The following NPAS3 variants were observed in gnomAD, a reference collection of about 807,000 sequenced individuals.
NPAS3 encodes neuronal PAS domain protein 3, also known as neuronal PAS domain-containing protein 3.
Under a neutral mutation model 73.1 loss-of-function variants are expected in NPAS3, and 14 were observed. The ratio of observed to expected loss-of-function variants is 0.19; its 90% confidence interval spans 0.13 to 0.30. The LOEUF (loss-of-function observed/expected upper bound fraction) is 0.30. NPAS3 is among the 10% of genes least tolerant of loss of function. The pLI, the probability that NPAS3 is intolerant of heterozygous loss-of-function variation, is 1.00. For missense variants in NPAS3, 1,096 were observed against 1,250.0 expected (o/e 0.88, Z 1.86); for synonymous variants, 620 against 541.5 (o/e 1.14, Z -2.01).
chr14:33,195,320 G>T (rs2046314319), intron 2 of NPAS3, among the ~76,000 whole-genome samples: 1 of 151,826 alleles, frequency 6.6e-6, no homozygotes, highest in African/African-American at 2.4e-5. Flanking sequence ...ACCTAAGCTG[G>T]AGTGCCGTGG....
At chr14:33,035,807 C>T (rs879660230) in intron 1 of NPAS3, among the ~76,000 whole-genome samples, 1 of 152,156 alleles carries the variant, frequency 6.6e-6, no homozygotes, top group African/African-American at 2.4e-5. Flanking sequence ...CATCTTTACA[C>T]TCTGGGCTTT....
intron 3 of NPAS3, among the ~76,000 whole-genome samples, chr14:33,298,899 A>T (rs1236948028): frequency 6.6e-6 from 1 of 152,196 alleles, no homozygotes. Context: ...TGCCAACCCC[A>T]ACCACATCCT....
intron 1 of NPAS3, among the ~76,000 whole-genome samples, chr14:32,981,900 G>A (rs370599511): frequency 4.4e-4 from 67 of 152,088 alleles, no homozygotes; most frequent in African/African-American, 1.6e-3. Context: ...CCACTCTTAG[G>A]GTGTCAAATA....
At chr14:33,555,225 A>T (rs2055299935) in intron 4 of NPAS3, among the ~76,000 whole-genome samples, 1 of 152,154 alleles carries the variant, frequency 6.6e-6, no homozygotes, top group African/African-American at 2.4e-5. Context: ...TTCTTCTAAG[A>T]TTGCGTTTCC....
chr14:33,017,858 G>C (rs2039450879), intron 1 of NPAS3, among the ~76,000 whole-genome samples: 1 of 152,170 alleles, frequency 6.6e-6, no homozygotes, highest in African/African-American at 2.4e-5. Context: ...ATTTCACTAG[G>C]ATTAATAATG....
intron 7 of NPAS3, among the ~76,000 whole-genome samples, chr14:33,769,129 C>T (rs1034461908): frequency 5.3e-5 from 8 of 152,316 alleles, no homozygotes; most frequent in Admixed American, 3.9e-4. Flanking sequence ...TTCAGCTACT[C>T]AAAGTGGGTA....
At chr14:33,313,314 G>T (rs1297674461) in intron 3 of NPAS3, among the ~76,000 whole-genome samples, 1 of 152,060 alleles carries the variant, frequency 6.6e-6, no homozygotes, top group East Asian at 1.9e-4. Context: ...GGATATTCAA[G>T]TTCTGACACA....
intron 5 of NPAS3, among the ~76,000 whole-genome samples, chr14:33,565,896 TA>T (rs1416840643): frequency 6.6e-5 from 10 of 151,784 alleles, no homozygotes; most frequent in Non-Finnish European, 1.0e-4. Flanking sequence ...TTAATTTTTT[TA>T]AAAAAAAGCA....
intron 2 of NPAS3, among the ~76,000 whole-genome samples, chr14:33,183,433 T>TG (rs1422763895): frequency 8.8e-5 from 6 of 68,074 alleles, no homozygotes; most frequent in Non-Finnish European, 2.1e-4. Flanking sequence ...TTTTTTTTTT[T>TG]TTTTTTTTTT....
At chr14:33,567,687 G>A (rs2056027873) in intron 5 of NPAS3, among the ~76,000 whole-genome samples, 1 of 152,184 alleles carries the variant, frequency 6.6e-6, no homozygotes, top group Admixed American at 6.5e-5. Flanking sequence ...TAGCCTGAAT[G>A]CACTGCGTGG....
chr14:33,067,344 A>G (rs908253483), intron 2 of NPAS3, among the ~76,000 whole-genome samples: 22 of 152,244 alleles, frequency 1.4e-4, no homozygotes, highest in African/African-American at 4.8e-4. Flanking sequence ...ACACACAACC[A>G]GTGTCCTGTG....
chr14:33,469,253 T>C (rs1026588234), intron 4 of NPAS3, among the ~76,000 whole-genome samples: 1 of 150,874 alleles, frequency 6.6e-6, no homozygotes, highest in Non-Finnish European at 1.5e-5. Context: ...ATTCAGCAAA[T>C]GCCTTCCTAT....
intron 1 of NPAS3, among the ~76,000 whole-genome samples, chr14:32,972,967 A>G (rs1374213427): frequency 1.3e-5 from 2 of 152,180 alleles, no homozygotes; most frequent in Non-Finnish European, 2.9e-5. Flanking sequence ...TGTTTTTACA[A>G]GGTAGATACT....
chr14:33,275,778 T>G (rs1482586282), intron 3 of NPAS3, among the ~76,000 whole-genome samples: 1 of 152,224 alleles, frequency 6.6e-6, no homozygotes, highest in Non-Finnish European at 1.5e-5. Context: ...CATAATAAAT[T>G]AGTATAATCT....
chr14:32,936,750 TATCCTTTACCATAA>T (rs1347554314), upstream of NPAS3, among the ~76,000 whole-genome samples: 6 of 152,172 alleles, frequency 3.9e-5, no homozygotes, highest in African/African-American at 1.4e-4. Context: ...TGAGTGTTGT[TATCCTTTACCATAA>T]AGATCACCTC....
At chr14:33,645,597 C>A (rs1166293036) in intron 5 of NPAS3, among the ~76,000 whole-genome samples, 1 of 152,166 alleles carries the variant, frequency 6.6e-6, no homozygotes, top group Non-Finnish European at 1.5e-5. Flanking sequence ...CCTGTACCCT[C>A]CAAGAGCATG....
At chr14:33,233,470 G>T (rs2139786721) in intron 3 of NPAS3, among the ~76,000 whole-genome samples, 1 of 152,152 alleles carries the variant, frequency 6.6e-6, no homozygotes, top group East Asian at 1.9e-4. Context: ...TGCATTTTAG[G>T]TTGCTAATGA....
chr14:33,584,998 G>T (rs1412448908), intron 5 of NPAS3, among the ~76,000 whole-genome samples: 1 of 152,100 alleles, frequency 6.6e-6, no homozygotes, highest in Non-Finnish European at 1.5e-5. Context: ...GTAAAAAGGT[G>T]TTCCAGAAGT....
At chr14:33,588,452 C>T (rs2056945606) in intron 5 of NPAS3, among the ~76,000 whole-genome samples, 1 of 152,182 alleles carries the variant, frequency 6.6e-6, no homozygotes, top group Non-Finnish European at 1.5e-5. Context: ...ACCCAAGTCC[C>T]CCTGACATAA....
Sources: gnomAD v4.1 joint callset for allele counts (sites outside exome capture counted in the v4.1 genomes callset) on GRCh38, gnomAD v4.1.1 for gene constraint, MANE v1.5 for transcripts, NCBI Gene and HGNC (gene_info 2026-07-23, HGNC 2026-07-21) for gene names.